RBFOX3: variants seen among roughly 807,000 people sequenced by gnomAD.
RBFOX3 encodes RNA binding protein fox-1 homolog 3.
RBFOX3 carries 17 observed loss-of-function variants against 48.7 expected under a neutral mutation model. The observed-to-expected ratio is 0.35, with a 90% CI of 0.24 to 0.52. RBFOX3 has a LOEUF of 0.52. Among genes scored for constraint, RBFOX3 ranks in the 20% least tolerant of loss-of-function variants. The probability of loss-of-function intolerance (pLI) is 0.94; values close to 1 mark genes in which losing one functional copy is unlikely to be tolerated. For synonymous variants in RBFOX3, 212 were observed against 209.5 expected, an observed-to-expected ratio of 1.01 and a Z score of -0.10; for missense variants, 382 against 497.5, an observed-to-expected ratio of 0.77 and a Z score of 2.21.
intron 4 of RBFOX3, chr17:79,183,307 G>T (rs11653046): frequency 0.33 from 50,236 of 152,576 alleles, 8,659 homozygotes; most frequent in East Asian, 0.4. Flanking sequence ...CACGGAGTGC[G>T]GGAGCATGCT....
Position 79,103,336 on chromosome 17 carries a change from A to T in RBFOX3, c.415-82T>A. On this transcript the variant is annotated intron_variant, in intron 7 of 14. Coordinates refer to ENST00000693108, the MANE Select transcript of RBFOX3 (RefSeq NM_001350451.2). The surrounding 1 kb of genome is among the most constrained non-coding windows in gnomAD (Gnocchi z 6.1). ...GAGGAGGAAGACGAGGAAGAAGAGG[A>T]GTGGGAGGGGGGCAGGGGAGTGGGG... The T allele has an allele frequency of 8.4e-6, 6 of 710,816 alleles. No homozygotes were observed. Among genetic ancestry groups the T allele is most frequent in the Non-Finnish European group, 1.4e-5 (6 of 417,248 alleles). 44.0% of individuals were successfully genotyped at this position (710,816 alleles called of 1,614,324 possible).
At chr17:79,109,343 C>T (rs2078060332) in intron 5 of RBFOX3, among the ~76,000 whole-genome samples, 1 of 152,308 alleles carries the variant, frequency 6.6e-6, no homozygotes, top group African/African-American at 2.4e-5. Context: ...CCTCCGGAGA[C>T]TCCTGGTCTG....
intron 2 of RBFOX3, among the ~76,000 whole-genome samples, chr17:79,457,563 C>T (rs948811833): frequency 2.8e-4 from 43 of 151,994 alleles, no homozygotes; most frequent in African/African-American, 9.4e-4. Flanking sequence ...GTAGATGCCC[C>T]GGGACCTCCG....
At chr17:79,562,407 T>C (rs1045473688) in intron 1 of RBFOX3, among the ~76,000 whole-genome samples, 1 of 152,200 alleles carries the variant, frequency 6.6e-6, no homozygotes, top group African/African-American at 2.4e-5. Flanking sequence ...GTAGCATGCA[T>C]GTTGGGTTTC....
chr17:79,537,736 G>A (rs1334012100), intron 1 of RBFOX3, among the ~76,000 whole-genome samples: 1 of 152,176 alleles, frequency 6.6e-6, no homozygotes, highest in African/African-American at 2.4e-5. Context: ...AAGGCTCCCA[G>A]CTCCAATTAT....
intron 3 of RBFOX3, among the ~76,000 whole-genome samples, chr17:79,284,792 G>A (rs150781713): frequency 0.043 from 6,585 of 152,124 alleles, 170 homozygotes; most frequent in Middle Eastern, 0.054. Flanking sequence ...CACCCACCTC[G>A]GCCTCCCAAA....
chr17:79,268,078 C>A (rs1456332516), intron 3 of RBFOX3, among the ~76,000 whole-genome samples: 1 of 152,220 alleles, frequency 6.6e-6, no homozygotes, highest in Non-Finnish European at 1.5e-5. Flanking sequence ...CCCTCCGCAT[C>A]ATCCGTTGTC....
chr17:79,453,874 G>A (rs1312475428), intron 2 of RBFOX3, among the ~76,000 whole-genome samples: 1 of 152,178 alleles, frequency 6.6e-6, no homozygotes, highest in Non-Finnish European at 1.5e-5. Flanking sequence ...TGGCAGAGGA[G>A]AGGAAAGGGG....
chr17:79,294,801 C>G (rs1395868787), intron 3 of RBFOX3, among the ~76,000 whole-genome samples: 4 of 152,214 alleles, frequency 2.6e-5, no homozygotes, highest in Admixed American at 2.0e-4. Context: ...GAAACAGCGG[C>G]CAGTGCTCAG....
chr17:79,286,611 C>A (rs911673892), intron 3 of RBFOX3, among the ~76,000 whole-genome samples: 2 of 152,216 alleles, frequency 1.3e-5, no homozygotes, highest in African/African-American at 4.8e-5. Flanking sequence ...CGGCTCCCAG[C>A]CTCGCCAGCC....
intron 3 of RBFOX3, among the ~76,000 whole-genome samples, chr17:79,306,761 C>T (rs1426893194): frequency 2.0e-5 from 3 of 152,230 alleles, no homozygotes; most frequent in Non-Finnish European, 4.4e-5. Flanking sequence ...ACCTCCTAGG[C>T]CTCCCGTGCC....
At chr17:79,094,553 AGTGGGAGGAGGGT>A (rs200385142) in intron 13 of RBFOX3, 24 bp from the exon 14 acceptor site, 23 of 90,612 alleles carry the variant, frequency 2.5e-4, no homozygotes, top group South Asian at 7.9e-4. Context: ...TGGGAGGGGG[AGTGGGAGGAGGGT>A]GGGGGAGGGG....
At chr17:79,472,101 G>A (rs1358223943) in intron 2 of RBFOX3, among the ~76,000 whole-genome samples, 4 of 152,152 alleles carry the variant, frequency 2.6e-5, no homozygotes, top group Non-Finnish European at 5.9e-5. Flanking sequence ...CAGGACCAGA[G>A]GGCAGGAAGG....
At chr17:79,491,426 C>T (rs1013448732) in intron 1 of RBFOX3, among the ~76,000 whole-genome samples, 1 of 151,748 alleles carries the variant, frequency 6.6e-6, no homozygotes, top group African/African-American at 2.4e-5. Context: ...GCTCTGGTGC[C>T]GATGTGGGCT....
At position 79,567,906 on chromosome 17, in the gene RBFOX3, A is replaced by G. The variant is rs988573813; in HGVS notation, c.-320+42920T>C. On this transcript the variant is annotated intron_variant, in intron 1 of 14. Coordinates refer to ENST00000693108, the MANE Select transcript of RBFOX3 (RefSeq NM_001350451.2). ...ATTTGAAAATCAATTTGAAATTCAT[A>G]TAAAAGAACCTGCCTGACCTTTACC... is the stretch of plus-strand genomic sequence containing the variant. Among the ~76,000 whole-genome samples the G allele has an allele frequency of 3.3e-5, 5 of 152,364 alleles. No homozygotes were observed. In the East Asian group the frequency reaches 9.6e-4, roughly 29 times the overall value.
chr17:79,460,556 T>C (rs2075245606), intron 2 of RBFOX3, among the ~76,000 whole-genome samples: 1 of 152,178 alleles, frequency 6.6e-6, no homozygotes, highest in Non-Finnish European at 1.5e-5. Flanking sequence ...ACATAAGCCA[T>C]GCTATGATGG....
At chr17:79,413,014 T>C (rs1301795515) in intron 2 of RBFOX3, among the ~76,000 whole-genome samples, 5 of 152,176 alleles carry the variant, frequency 3.3e-5, no homozygotes, top group African/African-American at 1.2e-4. Flanking sequence ...CCAGCCTGCT[T>C]CTGCCCTGTC....
At chr17:79,574,252 G>A (rs2092782923) in intron 1 of RBFOX3, among the ~76,000 whole-genome samples, 1 of 152,206 alleles carries the variant, frequency 6.6e-6, no homozygotes. Flanking sequence ...GCAGAATGAG[G>A]CTGAGGCCTG....
intron 3 of RBFOX3, among the ~76,000 whole-genome samples, chr17:79,257,653 T>C (rs1053974060): frequency 3.3e-5 from 5 of 152,190 alleles, no homozygotes; most frequent in Non-Finnish European, 7.3e-5. Flanking sequence ...CAGTCTCAGC[T>C]CACTGCAGCC....
Sources: gnomAD v4.1 joint callset for allele counts (sites outside exome capture counted in the v4.1 genomes callset) on GRCh38, gnomAD v4.1.1 for gene constraint, Gnocchi (gnomAD v3.1) non-coding constraint, MANE v1.5 for transcripts, NCBI Gene and HGNC (gene_info 2026-07-23, HGNC 2026-07-21) for gene names.